The following SYNM variants were observed in gnomAD, a reference collection of about 807,000 sequenced individuals.
SYNM encodes desmuslin.
SYNM carries 95 observed loss-of-function variants against 104.0 expected under a neutral mutation model. The ratio of observed to expected loss-of-function variants is 0.91; its 90% CI spans 0.77 to 1.08. SYNM has a LOEUF of 1.08. Among genes scored for constraint, SYNM ranks in the 50% least tolerant of loss-of-function variants. The probability of loss-of-function intolerance (pLI) is 0.00; values close to 1 mark genes in which losing one functional copy is unlikely to be tolerated. For synonymous variants in SYNM, 918 were observed against 869.0 expected (o/e 1.06, Z -0.99); for missense variants, 2,150 against 2,052.2 (o/e 1.05, Z -0.92).
intron 2 of SYNM, among the ~76,000 whole-genome samples, chr15:99,119,843 C>A (rs188981564): frequency 2.9e-4 from 44 of 152,308 alleles, no homozygotes; most frequent in African/African-American, 1.0e-3. Context: ...ACGAATGCTC[C>A]ATTTGAGTTC....
intron 1 of SYNM, among the ~76,000 whole-genome samples, chr15:99,109,105 G>C (rs544893111): frequency 6.6e-6 from 1 of 152,328 alleles, no homozygotes; most frequent in South Asian, 2.1e-4. Context: ...GTGGCTCAAG[G>C]GGGAAGATGC....
At chr15:99,107,926 G>GT (rs1555482982) in intron 1 of SYNM, among the ~76,000 whole-genome samples, 7 of 123,366 alleles carry the variant, frequency 5.7e-5, no homozygotes, top group South Asian at 5.1e-4. Context: ...ATAAGGACCT[G>GT]GTTTTTTTTT....
At position 99,132,834 on chromosome 15, in the gene SYNM, G is replaced by T; in HGVS notation, c.4474G>T (p.Asp1492Tyr). Residue 1492 changes from aspartate (D) to tyrosine (Y), a missense_variant, in exon 4 of 4, where the codon GAC becomes TAC. By Grantham distance (160) the Asp-to-Tyr change is radical (BLOSUM62 -3). Coordinates refer to ENST00000336292, the MANE Select transcript of SYNM (RefSeq NM_145728.3). ...LGVSDRGSWR[D>Y]ADSRNDQAVG... is the part of the protein sequence containing the mutation. The stretch of plus-strand genomic sequence containing the variant: ...TGTGTCTGACCGTGGTTCCTGGAGA[G>T]ACGCGGACAGTAGGAATGACCAGGC... 6.2e-7 allele frequency: 1 copy of T among 1,613,978 alleles called. No individual in the cohort carries two copies. Among genetic ancestry groups the T allele is most frequent in the Non-Finnish European group, 8.5e-7 (1 of 1,179,894 alleles).
In SYNM at chr15:99,131,315, T is replaced by A; in HGVS notation, c.2955T>A (p.Asp985Glu). 1 of 1,612,962 alleles carries A rather than the reference T, an allele frequency of 6.2e-7. No individual in the cohort carries two copies. The highest frequency in any genetic ancestry group is 8.5e-7 in the Non-Finnish European group (1 of 1,179,618). ...GQGGPGSVSV[D>E]VKKVQGAGGS... ...GTGGGCCGGGGAGCGTTTCCGTGGA[T>A]GTCAAGAAGGTCCAGGGTGCTGGTG... is the stretch of plus-strand genomic sequence containing the variant. The change falls in exon 4 of 4, where the codon GAT becomes GAA. Residue 985 changes from aspartate (D) to glutamate (E), a missense_variant. Transcript: ENST00000336292. This position sits in a 1 kb window ranked among gnomAD's most constrained non-coding sequence, Gnocchi z 4.3.
intron 2 of SYNM, among the ~76,000 whole-genome samples, chr15:99,117,322 T>C (rs1462054317): frequency 6.6e-6 from 1 of 152,118 alleles, no homozygotes; most frequent in African/African-American, 2.4e-5. Flanking sequence ...GGCCTCTCCA[T>C]CTCTGCTGGG....
Position 99,130,590 on chromosome 15 carries a change from G to A in SYNM, c.2230G>A (p.Val744Ile), listed in dbSNP as rs782783847. 8.1e-6 allele frequency: 13 copies of A among 1,613,582 alleles called. No homozygotes were observed. The African/African-American group carries it at 9.3e-5, about 12-fold the overall frequency. Residue 744 changes from valine to isoleucine, a missense_variant, in exon 4 of 4, where the codon GTC (valine) becomes ATC (isoleucine). By Grantham distance (29) the Val-to-Ile change is conservative. Transcript: ENST00000336292. The stretch of plus-strand genomic sequence containing the variant: ...AGGGAGGGAGGGGAGAGCAAAGGTC[G>A]TCAACGTGGAGATCGTGGAGGAGCC... ...LKGREGRAKV[V>I]NVEIVEEPVS...
In SYNM at chr15:99,129,935, C is replaced by A; in HGVS notation, c.1575C>A (p.Phe525Leu). The change falls in exon 4 of 4, where the codon TTC (phenylalanine) becomes TTA (leucine). Residue 525 changes from phenylalanine to leucine, a missense_variant. Phe to Leu is a conservative substitution (Grantham distance 22). Transcript: ENST00000336292. ...TIRTKPEEKM[F>L]DSKEKASEER... is the part of the protein sequence containing the mutation. ...GAACAAAGCCAGAAGAGAAAATGTT[C>A]GATTCTAAAGAGAAGGCTTCCGAGG... The A allele has an allele frequency of 6.2e-7, 1 of 1,611,826 alleles. No homozygotes were observed. Among genetic ancestry groups the A allele is most frequent in the South Asian group, 1.1e-5 (1 of 90,792 alleles).
chr15:99,133,013 C>T lies in SYNM; in HGVS notation c.4653C>T (p.Leu1551=), dbSNP rs1410729411. 2 of 1,612,938 alleles carry T rather than the reference C, an allele frequency of 1.2e-6. No homozygotes were observed. Among genetic ancestry groups the T allele is most frequent in the African/African-American group, 1.3e-5 (1 of 74,902 alleles). Residue 1551 remains leucine, a synonymous_variant, in exon 4 of 4, where the codon CTC becomes CTT. Transcript: ENST00000336292. ...VISDEKKVAL[L]YLDNEEEEND... ...CAGATGAAAAGAAAGTTGCCCTCCT[C>T]TATCTAGACAATGAGGAGGAGGAGA...
In SYNM at chr15:99,132,225, T is replaced by G. The variant is rs782167708; in HGVS notation, c.3865T>G (p.Leu1289Val). The G allele has an allele frequency of 2.5e-6, 4 of 1,611,720 alleles. No individual in the cohort carries two copies. In the Admixed American group the frequency reaches 6.7e-5, roughly 27 times the overall value. ...FTAPLSDKVELGVIGDSVHME... is the reference protein window; with the variant it reads ...FTAPLSDKVEVGVIGDSVHME... ...AGCTCCACTTTCAGACAAGGTGGAG[T>G]TGGGTGTCATAGGAGATTCTGTACA... The change falls in exon 4 of 4, where the codon TTG becomes GTG. Residue 1289 changes from leucine to valine, a missense_variant. Leu to Val is a conservative substitution (Grantham distance 32). Transcript: ENST00000336292.
At chr15:99,139,953 A>G, downstream of SYNM, 1 of 297,004 alleles carries the variant, frequency 3.4e-6, no homozygotes, top group Non-Finnish European at 6.5e-6. Context: ...TGCTTGTAGT[A>G]GGCTAGGGCA....
downstream of SYNM, among the ~76,000 whole-genome samples, chr15:99,138,855 C>A (rs1472280420): frequency 6.6e-6 from 1 of 152,222 alleles, no homozygotes; most frequent in African/African-American, 2.4e-5. Context: ...CTCTGCGGAC[C>A]AGGCTCTGTG....
Position 99,105,677 on chromosome 15 carries a change from G to A in SYNM, c.478G>A (p.Ala160Thr), listed in dbSNP as rs1369985847. Residue 160 changes from alanine to threonine, a missense_variant, in exon 1 of 4, where the codon GCC becomes ACC. Ala to Thr is a moderately conservative substitution (Grantham distance 58, BLOSUM62 0). Coordinates refer to ENST00000336292, the MANE Select transcript of SYNM (RefSeq NM_145728.3). Reference protein sequence around the residue: ...RDVRELRARAASLTMHFRARA... With the variant: ...RDVRELRARATSLTMHFRARA... ...CGTGAGGGAGCTGCGCGCGCGCGCC[G>A]CCAGCCTTACCATGCATTTCCGCGC... 3 of 1,458,764 alleles carry A rather than the reference G, an allele frequency of 2.1e-6. No homozygotes were observed. Among genetic ancestry groups the A allele is most frequent in the South Asian group, 2.7e-5 (2 of 74,554 alleles). 90.4% of individuals were successfully genotyped at this position (1,458,764 alleles called of 1,614,324 possible). A position where few individuals can be genotyped will look rare whatever the true frequency, so the allele number is the denominator to read the frequency against.
Position 99,132,541 on chromosome 15 carries a change from C to T in SYNM, c.4181C>T (p.Thr1394Ile). 1.9e-6 allele frequency: 3 copies of T among 1,614,044 alleles called. No individual in the cohort carries two copies. The highest frequency in any genetic ancestry group is 2.5e-6 in the Non-Finnish European group (3 of 1,179,890). Residue 1394 changes from threonine to isoleucine, a missense_variant, in exon 4 of 4, where the codon ACA (threonine) becomes ATA (isoleucine). Thr to Ile is a moderately conservative substitution (Grantham distance 89, BLOSUM62 -1). Coordinates refer to ENST00000336292, the MANE Select transcript of SYNM (RefSeq NM_145728.3). ...GAGGACACATCAGGGGCAGAAATGA[C>T]ATCGGGTGTTAGCAGATCCTTTAGG... ...SAEDTSGAEM[T>I]SGVSRSFRHI... is the part of the protein sequence containing the mutation.
At position 99,131,685 on chromosome 15, in the gene SYNM, A is replaced by T. The variant is rs1555485958; in HGVS notation, c.3325A>T (p.Thr1109Ser). The change falls in exon 4 of 4, where the codon ACA becomes TCA. Residue 1109 changes from threonine to serine, a missense_variant. Physicochemically the swap from Thr to Ser is moderately conservative, Grantham distance 58. Transcript: ENST00000336292. The surrounding 1 kb of genome is among the most constrained non-coding windows in gnomAD (Gnocchi z 4.3). ...GGCCACTGTGGAGGTCAGCAGCCCCACAGGCTTTGCCCAGTCACAGGTGCT... is the reference window on the plus strand; with the variant it reads ...GGCCACTGTGGAGGTCAGCAGCCCCTCAGGCTTTGCCCAGTCACAGGTGCT... ...VSATVEVSSPTGFAQSQVLED... is the reference protein window; with the variant it reads ...VSATVEVSSPSGFAQSQVLED... 1 of 1,613,020 alleles carries T rather than the reference A, an allele frequency of 6.2e-7. No homozygotes were observed.
At position 99,135,428 on chromosome 15, in the gene SYNM, C is replaced by G. The variant is rs2067561243; in HGVS notation, c.*2370C>G. ...TTATTGTTACTGAGACAAAACAGTA[C>G]TCACTGAGTGTTTTTCAGTTTCCTA... On this transcript the variant is annotated 3_prime_UTR_variant, in exon 4 of 4. Transcript: ENST00000336292. The G allele has an allele frequency of 6.6e-6, 1 of 152,606 alleles. No homozygotes were observed. Among genetic ancestry groups the G allele is most frequent in the Non-Finnish European group, 1.5e-5 (1 of 68,034 alleles). The allele number at this position is 152,606 out of a possible 1,614,324, so 9.5% of individuals were successfully genotyped here. A position where few individuals can be genotyped will look rare whatever the true frequency, so the allele number is the denominator to read the frequency against.
downstream of SYNM, chr15:99,139,613 A>G (rs1310242392): frequency 3.3e-6 from 5 of 1,523,542 alleles, no homozygotes; most frequent in Admixed American, 8.3e-5. Context: ...CTATTTCACA[A>G]AACTCTCTGT....
At chr15:99,136,957 C>A (rs1345621383), downstream of SYNM, 1 of 152,214 alleles carries the variant, frequency 6.6e-6, no homozygotes, top group Non-Finnish European at 1.5e-5. Flanking sequence ...ACAAATGGCC[C>A]CAGGGTGGTT....
intron 2 of SYNM, among the ~76,000 whole-genome samples, chr15:99,122,031 C>T (rs57382766): frequency 0.012 from 1,849 of 152,266 alleles, 29 homozygotes; most frequent in East Asian, 0.052. Context: ...GTAGAAAAAT[C>T]GAAGGAGGCC....
chr15:99,120,532 C>A lies in SYNM; in HGVS notation c.936-6190C>A, dbSNP rs1043982202. ...CCACGTGTGATGGATGGGTAAGAGC[C>A]ACACCTGCCCTCAGCCTTCTCTGGA... On this transcript the variant is annotated intron_variant, in intron 2 of 3. Transcript: ENST00000336292. 2.0e-5 allele frequency among the ~76,000 whole-genome samples: 3 copies of A among 152,142 alleles called. No individual in the cohort carries two copies. In the South Asian group the frequency reaches 6.2e-4, roughly 32 times the overall value.
Sources: allele counts gnomAD v4.1 joint callset (sites outside exome capture counted in the v4.1 genomes callset), GRCh38; gene constraint gnomAD v4.1.1; non-coding constraint Gnocchi (gnomAD v3.1); transcripts MANE v1.5; gene names NCBI Gene and HGNC (gene_info 2026-07-23, HGNC 2026-07-21).